Variants in PTPRK observed in about 807,000 individuals in gnomAD.
PTPRK encodes receptor-type tyrosine-protein phosphatase kappa.
A neutral mutation model predicts 178.0 loss-of-function variants in PTPRK; 75 were observed. That is an observed-to-expected ratio of 0.42 (90% confidence interval 0.35 to 0.51). The LOEUF (loss-of-function observed/expected upper bound fraction) is 0.51, where lower values mean the gene tolerates loss of function less well. Ranked by LOEUF, PTPRK falls within the 20% of genes least tolerant of loss-of-function variation. The probability of loss-of-function intolerance (pLI) is 0.02; values close to 1 mark genes in which losing one functional copy is unlikely to be tolerated. For synonymous variants in PTPRK, 637 were observed against 620.6 expected (o/e 1.03, Z -0.39); for missense variants, 1,441 against 1,797.8 (o/e 0.80, Z 3.59).
chr6:128,346,358 G>C (rs1417508583), intron 2 of PTPRK, among the ~76,000 whole-genome samples: 3 of 151,958 alleles, frequency 2.0e-5, no homozygotes, highest in Non-Finnish European at 4.4e-5. Context: ...AGTCTTTTTT[G>C]TGTGATCTTA....
At chr6:128,216,127 A>T (rs1809238949) in intron 6 of PTPRK, among the ~76,000 whole-genome samples, 1 of 152,202 alleles carries the variant, frequency 6.6e-6, no homozygotes. Flanking sequence ...AACTATCAAA[A>T]TATATTTCTA....
chr6:128,048,809 T>A (rs948468469), intron 13 of PTPRK, among the ~76,000 whole-genome samples: 1 of 152,194 alleles, frequency 6.6e-6, no homozygotes, highest in Non-Finnish European at 1.5e-5. Context: ...CTGATTTTGG[T>A]ATCCTCGGGG....
intron 3 of PTPRK, among the ~76,000 whole-genome samples, chr6:128,304,236 A>C (rs1457423527): frequency 6.6e-6 from 1 of 152,200 alleles, no homozygotes; most frequent in African/African-American, 2.4e-5. Context: ...TTTATGAGAG[A>C]AAGTATTTTA....
In PTPRK at chr6:127,990,902, A is replaced by G; in HGVS notation, c.2980-17T>C. The G allele has an allele frequency of 7.0e-7, 1 of 1,434,228 alleles. No homozygotes were observed. The highest frequency in any genetic ancestry group is 2.3e-5 in the East Asian group (1 of 43,904). The allele number at this position is 1,434,228 out of a possible 1,614,324, so 88.8% of individuals were successfully genotyped here. A position where few individuals can be genotyped will look rare whatever the true frequency, so the allele number is the denominator to read the frequency against. On this transcript the variant is annotated splice_polypyrimidine_tract_variant and intron_variant, in intron 20 of 29. Coordinates refer to ENST00000368226, the MANE Select transcript of PTPRK (RefSeq NM_002844.4). ...GCATTTAACCTAAGTGACAAAAAGA[A>G]TATATAGACAGACCTGAATATATAA... is the stretch of plus-strand genomic sequence containing the variant.
chr6:128,330,908 C>A (rs940140449), intron 2 of PTPRK, among the ~76,000 whole-genome samples: 4 of 151,672 alleles, frequency 2.6e-5, no homozygotes, highest in Non-Finnish European at 5.9e-5. Context: ...AACAAAAAAA[C>A]ACCTAAGTTT....
At chr6:128,069,920 T>G (rs1479628441) in intron 11 of PTPRK, among the ~76,000 whole-genome samples, 1 of 152,130 alleles carries the variant, frequency 6.6e-6, no homozygotes, top group Non-Finnish European at 1.5e-5. Context: ...GGAAAGAGCC[T>G]TAAGTATGGT....
intron 6 of PTPRK, among the ~76,000 whole-genome samples, chr6:128,194,349 G>A (rs1318150143): frequency 6.6e-6 from 1 of 152,008 alleles, no homozygotes; most frequent in Non-Finnish European, 1.5e-5. Flanking sequence ...GCCTCCCAAA[G>A]TGCTGGGATT....
chr6:128,089,476 C>A (rs1332831861), intron 8 of PTPRK, among the ~76,000 whole-genome samples: 1 of 152,102 alleles, frequency 6.6e-6, no homozygotes, highest in Non-Finnish European at 1.5e-5. Flanking sequence ...GAAGAGAGGA[C>A]AACAGAAGCA....
At chr6:128,161,290 G>A (rs529149707) in intron 7 of PTPRK, among the ~76,000 whole-genome samples, 68 of 151,650 alleles carry the variant, frequency 4.5e-4, no homozygotes, top group African/African-American at 1.5e-3. Context: ...ATGCATTACT[G>A]AAAGTTCATG....
chr6:128,048,718 T>C (rs1778501251), intron 13 of PTPRK, among the ~76,000 whole-genome samples: 2 of 152,146 alleles, frequency 1.3e-5, no homozygotes, highest in Non-Finnish European at 2.9e-5. Flanking sequence ...TTATAAGTAA[T>C]CTAGAGATTA....
At chr6:128,003,883 T>C (rs1778130429) in intron 15 of PTPRK, among the ~76,000 whole-genome samples, 1 of 151,884 alleles carries the variant, frequency 6.6e-6, no homozygotes, top group South Asian at 2.1e-4. Flanking sequence ...CTGTCATGAT[T>C]ATAACTAAAT....
chr6:128,325,949 G>C (rs1829492399), intron 2 of PTPRK, among the ~76,000 whole-genome samples: 1 of 152,172 alleles, frequency 6.6e-6, no homozygotes, highest in African/African-American at 2.4e-5. Context: ...ACTGGATAAA[G>C]AAAATGTGGC....
At chr6:128,450,189 A>G (rs936507746) in intron 1 of PTPRK, among the ~76,000 whole-genome samples, 2 of 152,124 alleles carry the variant, frequency 1.3e-5, no homozygotes, top group African/African-American at 4.8e-5. Context: ...TAATACTTTG[A>G]CAGTGGAGAA....
At chr6:128,205,410 C>A (rs1806744642) in intron 6 of PTPRK, among the ~76,000 whole-genome samples, 2 of 151,876 alleles carry the variant, frequency 1.3e-5, no homozygotes, top group African/African-American at 4.8e-5. Context: ...ACATGTACCC[C>A]TGAACTTAAA....
chr6:127,992,870 T>C (rs1380506566), intron 18 of PTPRK, among the ~76,000 whole-genome samples, 161 bp from the exon 19 acceptor site: 1 of 151,712 alleles, frequency 6.6e-6, no homozygotes, highest in Non-Finnish European at 1.5e-5. Context: ...ACCTATGTTA[T>C]CTGAAAGGTA....
chr6:128,200,220 G>A (rs565385007), intron 6 of PTPRK, among the ~76,000 whole-genome samples: 1 of 152,204 alleles, frequency 6.6e-6, no homozygotes, highest in African/African-American at 2.4e-5. Flanking sequence ...TTTGTACTCT[G>A]CATTGCCACT....
intron 8 of PTPRK, among the ~76,000 whole-genome samples, chr6:128,087,963 C>T (rs1403908987): frequency 6.6e-6 from 1 of 152,148 alleles, no homozygotes; most frequent in Non-Finnish European, 1.5e-5. Flanking sequence ...ATAATAACCT[C>T]TTTTATGGCA....
chr6:128,443,795 G>A (rs1846589598), intron 1 of PTPRK, among the ~76,000 whole-genome samples: 1 of 152,252 alleles, frequency 6.6e-6, no homozygotes, highest in Admixed American at 6.5e-5. Flanking sequence ...AGCAAATAGA[G>A]ATATGGAAAG....
At chr6:128,194,745 T>C (rs1804563197) in intron 6 of PTPRK, among the ~76,000 whole-genome samples, 2 of 152,144 alleles carry the variant, frequency 1.3e-5, no homozygotes, top group South Asian at 4.1e-4. Context: ...TTTTAAAAAA[T>C]ATATGGTTGG....
Sources: allele counts gnomAD v4.1 joint callset (sites outside exome capture counted in the v4.1 genomes callset), GRCh38; gene constraint gnomAD v4.1.1; transcripts MANE v1.5; gene names NCBI Gene and HGNC (gene_info 2026-07-23, HGNC 2026-07-21).